Variants in CBLN2 observed in about 807,000 individuals in gnomAD.
The protein encoded by CBLN2 is cerebellin 2 precursor, also known as cerebellin-2.
A neutral mutation model predicts 15.0 loss-of-function variants in CBLN2; 7 were observed. The ratio of observed to expected loss-of-function variants is 0.47; its 90% CI spans 0.27 to 0.88. The LOEUF (loss-of-function observed/expected upper bound fraction) is 0.88, where lower values mean the gene tolerates loss of function less well. Ranked by LOEUF, CBLN2 falls within the 40% of genes least tolerant of loss-of-function variation. The pLI, the probability that CBLN2 is intolerant of heterozygous loss-of-function variation, is 0.14. For synonymous variants in CBLN2, 149 were observed against 135.2 expected (o/e 1.10, Z -0.71); for missense variants, 242 against 304.5 (o/e 0.79, Z 1.53).
chr18:72,615,186 A>T (rs1324824486), intron 1 of CBLN2, among the ~76,000 whole-genome samples: 1 of 135,238 alleles, frequency 7.4e-6, no homozygotes, highest in Non-Finnish European at 1.6e-5. Context: ...TTTATATATT[A>T]TATATAAATA....
At chr18:72,550,862 A>G (rs1198024910) in intron 1 of CBLN2, among the ~76,000 whole-genome samples, 3 of 152,158 alleles carry the variant, frequency 2.0e-5, no homozygotes, top group Non-Finnish European at 2.9e-5. Flanking sequence ...AACCTATTCC[A>G]TGATTTATTT....
chr18:72,582,586 C>T lies in CBLN2; in HGVS notation c.16-43814G>A, dbSNP rs573905206. On this transcript the variant is annotated intron_variant, in intron 1 of 2. Coordinates refer to the CBLN2 transcript ENST00000581073. ...AATAGGAGAGAATGCATGAGTTGTG[C>T]TGTGCCTCCTGCACTCTCTGGGAAC... Among the ~76,000 whole-genome samples, 4 of 152,294 alleles carry T rather than the reference C, an allele frequency of 2.6e-5. No individual in the cohort carries two copies. The South Asian group carries it at 8.3e-4, about 32-fold the overall frequency.
At chr18:72,548,796 T>C (rs1299866694), upstream of CBLN2, among the ~76,000 whole-genome samples, 1 of 152,114 alleles carries the variant, frequency 6.6e-6, no homozygotes, top group Non-Finnish European at 1.5e-5. Flanking sequence ...GCATACTCTG[T>C]CCTAGCTTCC....
At chr18:72,608,334 T>C (rs1468483811) in intron 1 of CBLN2, among the ~76,000 whole-genome samples, 1 of 152,176 alleles carries the variant, frequency 6.6e-6, no homozygotes, top group Non-Finnish European at 1.5e-5. Context: ...CTTTTCATAC[T>C]TTCCCTCCCC....
At chr18:72,545,209 A>C (rs1412980013), upstream of CBLN2, among the ~76,000 whole-genome samples, 1 of 152,186 alleles carries the variant, frequency 6.6e-6, no homozygotes, top group Non-Finnish European at 1.5e-5. Flanking sequence ...CTGCCAAGGC[A>C]TCATCTCTAA....
intron 3 of CBLN2, chr18:72,540,286 C>T (rs2069099366): frequency 6.6e-6 from 1 of 152,108 alleles, no homozygotes; most frequent in Admixed American, 6.6e-5. Flanking sequence ...GAATTTAGCC[C>T]TGCTGTAGAT....
intron 1 of CBLN2, among the ~76,000 whole-genome samples, chr18:72,562,369 A>C (rs1220990263): frequency 6.6e-6 from 1 of 152,226 alleles, no homozygotes; most frequent in African/African-American, 2.4e-5. Flanking sequence ...AAGAGGATAA[A>C]GTATATCTCA....
chr18:72,600,125 T>C (rs889601774), intron 1 of CBLN2, among the ~76,000 whole-genome samples: 2 of 152,266 alleles, frequency 1.3e-5, no homozygotes, highest in African/African-American at 2.4e-5. Flanking sequence ...AGGTGGAATA[T>C]GTTGGGTAAA....
At chr18:72,569,842 A>G (rs1412099688) in intron 1 of CBLN2, among the ~76,000 whole-genome samples, 1 of 152,142 alleles carries the variant, frequency 6.6e-6, no homozygotes, top group Non-Finnish European at 1.5e-5. Flanking sequence ...AACACATCCA[A>G]CACTGGGGGT....
At chr18:72,585,507 C>G (rs2069436708) in intron 1 of CBLN2, among the ~76,000 whole-genome samples, 1 of 152,102 alleles carries the variant, frequency 6.6e-6, no homozygotes, top group South Asian at 2.1e-4. Context: ...GGAAGGTCAT[C>G]CCATCATCTG....
At chr18:72,578,275 AT>A (rs547031028) in intron 1 of CBLN2, among the ~76,000 whole-genome samples, 59 of 152,332 alleles carry the variant, frequency 3.9e-4, no homozygotes, top group African/African-American at 1.4e-3. Context: ...CCAGTGATCA[AT>A]TTACTGTTTA....
In CBLN2 at chr18:72,638,470, T is replaced by G. The variant is rs1197395625; in HGVS notation, c.-131A>C. ...CCAATGACAGACTTGTTATCCTCAC[T>G]GACGGACGCAAAGTCCTGTTGTACA... On this transcript the variant is annotated 5_prime_UTR_variant, in exon 1 of 3. Coordinates refer to the CBLN2 transcript ENST00000581073. The G allele has an allele frequency of 2.8e-5, 11 of 396,632 alleles. No individual in the cohort carries two copies. In the East Asian group the frequency reaches 3.9e-4, roughly 14 times the overall value. The allele number at this position is 396,632 out of a possible 1,614,324, so 24.6% of individuals were successfully genotyped here. A position where few individuals can be genotyped will look rare whatever the true frequency, so the allele number is the denominator to read the frequency against.
chr18:72,593,431 A>G (rs1012309728), intron 1 of CBLN2, among the ~76,000 whole-genome samples: 2 of 152,150 alleles, frequency 1.3e-5, no homozygotes, highest in East Asian at 3.9e-4. Context: ...GGTTTTTCCA[A>G]ATATAAGATT....
intron 1 of CBLN2, chr18:72,620,732 C>T (rs1199023591): frequency 6.6e-6 from 1 of 152,126 alleles, no homozygotes; most frequent in Non-Finnish European, 1.5e-5. Context: ...GAATTTCTTG[C>T]CTCCTGCCTC....
Position 72,538,749 on chromosome 18 carries a change from G to A in CBLN2, c.381C>T (p.His127=). 6.2e-7 allele frequency: 1 copy of A among 1,613,824 alleles called. No individual in the cohort carries two copies. The highest frequency in any genetic ancestry group is 1.1e-5 in the South Asian group (1 of 91,064). Residue 127 remains histidine, a synonymous_variant, in exon 4 of 5, where the codon CAC becomes CAT. Transcript: ENST00000269503. ...CAAATATACTGGAAGCAAGATCAAA[G>A]TGGTTGCCAATATTTACTAATACCT... ...FDQVLVNIGN[H]FDLASSIFVA...
rs547060770 is a variant in CBLN2 at position 72,538,539 on chromosome 18, C to T, written c.477+114G>A. On this transcript the variant is annotated intron_variant, in intron 4 of 4. Transcript: ENST00000269503. Reference sequence around the variant, plus strand: ...CAGCTAGTTCAGAGCCACATCACCCCCTGGACAGACCAGTACCCTGTCTCC... The same window carrying T: ...CAGCTAGTTCAGAGCCACATCACCCTCTGGACAGACCAGTACCCTGTCTCC... 5.4e-6 allele frequency: 8 copies of T among 1,489,774 alleles called. No individual in the cohort carries two copies. The East Asian group carries it at 1.8e-4, about 34-fold the overall frequency. The allele number at this position is 1,489,774 out of a possible 1,614,324, so 92.3% of individuals were successfully genotyped here. A position where few individuals can be genotyped will look rare whatever the true frequency, so the allele number is the denominator to read the frequency against.
At chr18:72,607,108 G>A (rs1308989230) in intron 1 of CBLN2, among the ~76,000 whole-genome samples, 1 of 152,168 alleles carries the variant, frequency 6.6e-6, no homozygotes, top group Non-Finnish European at 1.5e-5. Context: ...GCACAGGCAT[G>A]GTTACAGGAG....
chr18:72,611,702 C>A (rs2069623692), intron 1 of CBLN2, among the ~76,000 whole-genome samples: 1 of 152,142 alleles, frequency 6.6e-6, no homozygotes, highest in Non-Finnish European at 1.5e-5. Flanking sequence ...TGTCTGTTTA[C>A]TCTGTTGATG....
chr18:72,576,669 C>A (rs1192444369), intron 1 of CBLN2, among the ~76,000 whole-genome samples: 2 of 151,890 alleles, frequency 1.3e-5, no homozygotes, highest in East Asian at 3.9e-4. Flanking sequence ...AGTATCTATT[C>A]TGTGCAAGAG....
Sources: gnomAD v4.1 joint callset for allele counts (sites outside exome capture counted in the v4.1 genomes callset) on GRCh38, gnomAD v4.1.1 for gene constraint, MANE v1.5 for transcripts, NCBI Gene and HGNC (gene_info 2026-07-23, HGNC 2026-07-21) for gene names.